U2AF2: variants seen among roughly 807,000 people sequenced by gnomAD.
The protein encoded by U2AF2 is U2 small nuclear RNA auxiliary factor 2.
U2AF2 carries 6 observed loss-of-function variants against 52.6 expected under a neutral mutation model. That is an observed-to-expected ratio of 0.11 (90% CI 0.06 to 0.23). The LOEUF (loss-of-function observed/expected upper bound fraction) is 0.23, where lower values mean the gene tolerates loss of function less well. U2AF2 is among the 10% of genes least tolerant of loss of function. The probability of loss-of-function intolerance (pLI) is 1.00; values close to 1 mark genes in which losing one functional copy is unlikely to be tolerated. For missense variants in U2AF2, 222 were observed against 677.1 expected, an observed-to-expected ratio of 0.33 and a Z score of 7.46; for synonymous variants, 284 against 258.2, an observed-to-expected ratio of 1.10 and a Z score of -0.96.
Position 55,668,625 on chromosome 19 carries a change from C to CCGCCCCACCT in U2AF2, c.822+41_823-34dup. 1 of 1,597,142 alleles carries CCGCCCCACCT rather than the reference C, an allele frequency of 6.3e-7. No individual in the cohort carries two copies. Among genetic ancestry groups the CCGCCCCACCT allele is most frequent in the South Asian group, 1.1e-5 (1 of 90,126 alleles). ...CTCCCTCCAGACCCGTCCCCCCACC[C>CCGCCCCACCT]CGCCCCACCTCATCCCAGCCCTGAT... On this transcript the variant is annotated intron_variant, in intron 8 of 11. Coordinates refer to ENST00000308924, the MANE Select transcript of U2AF2 (RefSeq NM_007279.3). The surrounding 1 kb of genome is among the most constrained non-coding windows in gnomAD (Gnocchi z 5.5).
chr19:55,669,011 G>A (rs775714157), intron 9 of U2AF2, 72 bp from the exon 10 acceptor site: 92 of 1,550,778 alleles, frequency 5.9e-5, no homozygotes, highest in Middle Eastern at 4.6e-4. Flanking sequence ...CGGCTTGGGG[G>A]TAGGTGTCGG....
intron 11 of U2AF2, among the ~76,000 whole-genome samples, chr19:55,670,043 G>A (rs999829270): frequency 1.3e-5 from 2 of 152,134 alleles, no homozygotes; most frequent in African/African-American, 4.8e-5. Flanking sequence ...TGCCTGGTCT[G>A]TGGAGTGGGG....
Position 55,660,033 on chromosome 19 carries a change from A to C in U2AF2, c.186-144A>C. The C allele has an allele frequency of 7.9e-6, 5 of 634,520 alleles. No homozygotes were observed. The South Asian group carries it at 1.1e-4, about 14-fold the overall frequency. The allele number at this position is 634,520 out of a possible 1,614,324, so 39.3% of individuals were successfully genotyped here. Reference sequence around the variant, plus strand: ...GTGGGAGTGTTTGGGGGGAAATGGCAGGGCCGAGGGTGGCCTGCTTGCTGC... The same window carrying C: ...GTGGGAGTGTTTGGGGGGAAATGGCCGGGCCGAGGGTGGCCTGCTTGCTGC... On this transcript the variant is annotated intron_variant, in intron 2 of 11. Transcript: ENST00000308924.
chr19:55,667,912 A>T (rs1361310276), intron 7 of U2AF2, among the ~76,000 whole-genome samples: 1 of 151,716 alleles, frequency 6.6e-6, no homozygotes, highest in Non-Finnish European at 1.5e-5. Context: ...CAGCCTCCTG[A>T]GTAGCTGGGA....
At position 55,655,140 on chromosome 19, in the gene U2AF2, C is replaced by T. The variant is rs1983688660; in HGVS notation, c.36C>T (p.Asn12=). ...SDFDEFERQL[N]ENKQERDKEN... ...TCGACGAGTTCGAGCGGCAGCTCAA[C>T]GAGAATAAACAAGGTGAGGGCACCG... The change falls in exon 1 of 12, where the codon AAC becomes AAT. Residue 12 remains asparagine (N), a synonymous_variant. Transcript: ENST00000308924. The T allele has an allele frequency of 2.5e-6, 4 of 1,604,692 alleles. No individual in the cohort carries two copies. The highest frequency in any genetic ancestry group is 3.4e-6 in the Non-Finnish European group (4 of 1,176,498).
chr19:55,664,331 C>T lies in U2AF2; in HGVS notation c.742+587C>T, dbSNP rs559152185. ...TGCGTGCGTGGGCCTGGCTGTGTGCCGGCACACCTCGACACGCGTGGCTGC... is the reference window on the plus strand; with the variant it reads ...TGCGTGCGTGGGCCTGGCTGTGTGCTGGCACACCTCGACACGCGTGGCTGC... On this transcript the variant is annotated intron_variant, in intron 7 of 11. Coordinates refer to ENST00000308924, the MANE Select transcript of U2AF2 (RefSeq NM_007279.3). 3.1e-4 allele frequency among the ~76,000 whole-genome samples: 47 copies of T among 152,324 alleles called. 1 individual carries two copies. The South Asian group carries it at 9.3e-3, about 30-fold the overall frequency.
rs1424986897 is a variant in U2AF2 at position 55,655,081 on chromosome 19, A to G, written c.-24A>G. The stretch of plus-strand genomic sequence containing the variant: ...CGGCAAGGCGAGGCGAAAGCTGCAC[A>G]GGGCCCTACGCGGCCGCCTCAGCAT... On this transcript the variant is annotated 5_prime_UTR_variant, in exon 1 of 12. Coordinates refer to ENST00000308924, the MANE Select transcript of U2AF2 (RefSeq NM_007279.3). 12 of 1,606,480 alleles carry G rather than the reference A, an allele frequency of 7.5e-6. No homozygotes were observed. The South Asian group carries it at 9.9e-5, about 13-fold the overall frequency.
In U2AF2 at chr19:55,669,191, C is replaced by CT; in HGVS notation, c.1044+12dup. The CT allele has an allele frequency of 6.2e-7, 1 of 1,613,352 alleles. No individual in the cohort carries two copies. Among genetic ancestry groups the CT allele is most frequent in the Non-Finnish European group, 8.5e-7 (1 of 1,179,668 alleles). ...GCTGGTGAGCCCCCCGGCACGTCAT[C>CT]TTCCATTGGCTTGAGGGACCCTGGG... is the stretch of plus-strand genomic sequence containing the variant. On this transcript the variant is annotated intron_variant, in intron 10 of 11. Coordinates refer to ENST00000308924, the MANE Select transcript of U2AF2 (RefSeq NM_007279.3).
chr19:55,665,788 A>C (rs1361588729), intron 7 of U2AF2, among the ~76,000 whole-genome samples: 1 of 152,180 alleles, frequency 6.6e-6, no homozygotes, highest in Non-Finnish European at 1.5e-5. Flanking sequence ...AGCTGGGATT[A>C]CAGGCATGTG....
At chr19:55,670,720 TGGAAC>T (rs961408750) in intron 11 of U2AF2, 6 of 205,452 alleles carry the variant, frequency 2.9e-5, no homozygotes, top group Admixed American at 1.1e-4. Context: ...GCCTGGGTCT[TGGAAC>T]GACCGCTTAT....
intron 7 of U2AF2, among the ~76,000 whole-genome samples, chr19:55,666,222 A>G (rs987765768): frequency 6.6e-6 from 1 of 152,302 alleles, no homozygotes; most frequent in Non-Finnish European, 1.5e-5. Flanking sequence ...GGGAGGGGAC[A>G]TTGCTCCATC....
chr19:55,670,913 C>T (rs920028477), intron 11 of U2AF2, among the ~76,000 whole-genome samples: 31 of 152,176 alleles, frequency 2.0e-4, no homozygotes, highest in African/African-American at 5.3e-4. Flanking sequence ...AGCAGGAGGG[C>T]AGAGAGGGTG....
At chr19:55,665,925 G>C (rs551684962) in intron 7 of U2AF2, among the ~76,000 whole-genome samples, 1 of 152,158 alleles carries the variant, frequency 6.6e-6, no homozygotes, top group Non-Finnish European at 1.5e-5. Context: ...TTATAGGCGT[G>C]AGCCACTGCT....
intron 6 of U2AF2, among the ~76,000 whole-genome samples, chr19:55,662,931 C>T (rs1293828747): frequency 1.3e-5 from 2 of 152,136 alleles, no homozygotes; most frequent in Admixed American, 6.5e-5. Context: ...TACCATGCTC[C>T]TGCCTGCTTG....
At position 55,673,425 on chromosome 19, in the gene U2AF2, C is replaced by T. The variant is rs142366087; in HGVS notation, c.1294-509C>T. 3.6e-3 allele frequency among the ~76,000 whole-genome samples: 544 copies of T among 151,988 alleles called. 6 individuals carry two copies. Among genetic ancestry groups the T allele is most frequent in the African/African-American group, 0.013 (521 of 41,432 alleles). On this transcript the variant is annotated intron_variant, in intron 11 of 11. Coordinates refer to ENST00000308924, the MANE Select transcript of U2AF2 (RefSeq NM_007279.3). ...GGCTCATTGTATCCTTCCCTCCCTCCATTTTCCTGTAAATTGGTTTAAGCA... is the reference window on the plus strand; with the variant it reads ...GGCTCATTGTATCCTTCCCTCCCTCTATTTTCCTGTAAATTGGTTTAAGCA...
chr19:55,670,592 A>G, intron 11 of U2AF2: 1 of 223,524 alleles, frequency 4.5e-6, no homozygotes, highest in Non-Finnish European at 8.8e-6. Flanking sequence ...GAGTCGGGGC[A>G]GGGGCCGCAT....
Position 55,674,108 on chromosome 19 carries a change from C to T in U2AF2, c.*40C>T. ...GGGTGGGGGCAGGGCTGGCTGGGGG[C>T]TTCTCCCCACTCCCGCCCCCCCCTT... On this transcript the variant is annotated 3_prime_UTR_variant, in exon 12 of 12. Transcript: ENST00000308924. 1 of 1,553,176 alleles carries T rather than the reference C, an allele frequency of 6.4e-7. No homozygotes were observed. The highest frequency in any genetic ancestry group is 8.7e-7 in the Non-Finnish European group (1 of 1,149,794).
intron 1 of U2AF2, among the ~76,000 whole-genome samples, chr19:55,657,210 C>T (rs1234009921): frequency 6.6e-6 from 1 of 152,182 alleles, no homozygotes; most frequent in African/African-American, 2.4e-5. Flanking sequence ...TGGCACGGCT[C>T]CTGGGTTGGC....
At chr19:55,659,416 GCCTGTGTGTGTCTGTGTCTGGGTCCGGGC>G (rs1984013795) in intron 2 of U2AF2, 71 bp downstream of exon 2, 1 of 1,401,668 alleles carries the variant, frequency 7.1e-7, no homozygotes, top group African/African-American at 1.5e-5. Context: ...CCTGTGGGTG[GCCTGTGTGTGTCTGTGTCTGGGTCCGGGC>G]CCTGTGTGGC....
Sources: allele counts gnomAD v4.1 joint callset (sites outside exome capture counted in the v4.1 genomes callset), GRCh38; gene constraint gnomAD v4.1.1; non-coding constraint Gnocchi (gnomAD v3.1); transcripts MANE v1.5; gene names NCBI Gene and HGNC (gene_info 2026-07-23, HGNC 2026-07-21).